Variants in SUN3 observed in about 807,000 individuals in gnomAD.
SUN3 encodes the protein SUN domain-containing protein 3.
Under a neutral mutation model 48.2 loss-of-function variants are expected in SUN3, and 36 were observed. That is an observed-to-expected ratio of 0.75 (90% CI 0.57 to 0.99). SUN3 has a LOEUF of 0.99. Among genes scored for constraint, SUN3 ranks in the 50% least tolerant of loss-of-function variants. The pLI, the probability that SUN3 is intolerant of heterozygous loss-of-function variation, is 0.00. For missense variants in SUN3, 419 were observed against 433.1 expected (o/e 0.97, Z 0.29); for synonymous variants, 148 against 147.9 (o/e 1.00, Z 0.00).
chr7:48,023,814 A>G (rs1790064793), intron 2 of SUN3, among the ~76,000 whole-genome samples: 1 of 152,232 alleles, frequency 6.6e-6, no homozygotes, highest in Admixed American at 6.5e-5. Context: ...AGATGGCAAC[A>G]CTACCTAAAG....
At chr7:48,033,075 A>C (rs932085231), upstream of SUN3, among the ~76,000 whole-genome samples, 2 of 152,246 alleles carry the variant, frequency 1.3e-5, no homozygotes, top group Non-Finnish European at 2.9e-5. Context: ...AGAATGTTGG[A>C]TCTTTCTAAA....
intron 6 of SUN3, among the ~76,000 whole-genome samples, chr7:48,000,868 GT>G (rs143433372): frequency 3.3e-4 from 47 of 143,792 alleles, no homozygotes; most frequent in Middle Eastern, 7.4e-3. Flanking sequence ...TAAATTTATG[GT>G]TTTTTTTTTT....
At chr7:48,002,681 T>C (rs1429097119) in intron 6 of SUN3, among the ~76,000 whole-genome samples, 1 of 152,250 alleles carries the variant, frequency 6.6e-6, no homozygotes, top group Non-Finnish European at 1.5e-5. Flanking sequence ...CTGTAGGTTG[T>C]CTGTTTACTC....
intron 6 of SUN3, among the ~76,000 whole-genome samples, chr7:47,999,433 C>G (rs1032243260): frequency 2.6e-5 from 4 of 152,020 alleles, no homozygotes. Context: ...AATTTGCATG[C>G]CTTTTCCCCT....
intron 8 of SUN3, among the ~76,000 whole-genome samples, chr7:47,991,596 AAAAAC>A (rs139889751): frequency 0.42 from 64,117 of 151,096 alleles, 13,768 homozygotes; most frequent in Middle Eastern, 0.53. Flanking sequence ...AGTAAAACCA[AAAAAC>A]AAAACAAAAC....
At chr7:47,995,572 T>C (rs1392133075) in intron 7 of SUN3, among the ~76,000 whole-genome samples, 1 of 152,044 alleles carries the variant, frequency 6.6e-6, no homozygotes, top group African/African-American at 2.4e-5. Flanking sequence ...AACTGAAAAG[T>C]TTGGTGGGGA....
At chr7:48,009,282 T>A (rs1789617165) in intron 3 of SUN3, among the ~76,000 whole-genome samples, 4 of 152,152 alleles carry the variant, frequency 2.6e-5, no homozygotes, top group Admixed American at 2.6e-4. Context: ...GATGAGGTAA[T>A]GCAAATCTAT....
upstream of SUN3, among the ~76,000 whole-genome samples, chr7:48,033,807 G>C (rs181458610): frequency 8.1e-4 from 124 of 152,242 alleles, no homozygotes; most frequent in East Asian, 0.023. Flanking sequence ...TGTAATCCCA[G>C]CACTTTGTGA....
intron 3 of SUN3, among the ~76,000 whole-genome samples, chr7:48,010,629 T>C (rs576486706): frequency 6.6e-6 from 1 of 152,248 alleles, no homozygotes; most frequent in South Asian, 2.1e-4. Flanking sequence ...TCTCCAGAAA[T>C]TTGTCTCATC....
intron 8 of SUN3, among the ~76,000 whole-genome samples, chr7:47,990,832 C>A (rs897677464): frequency 2.0e-5 from 3 of 151,612 alleles, no homozygotes; most frequent in Non-Finnish European, 4.4e-5. Context: ...CCGTTATCCA[C>A]AGCAAACTAA....
chr7:48,028,532 G>A (rs926125444), intron 1 of SUN3, among the ~76,000 whole-genome samples: 3 of 128,274 alleles, frequency 2.3e-5, no homozygotes, highest in African/African-American at 9.0e-5. Flanking sequence ...AAGCTTTTAA[G>A]TTCCTGCTGC....
intron 6 of SUN3, among the ~76,000 whole-genome samples, chr7:47,997,397 C>G (rs1789242471): frequency 6.6e-6 from 1 of 151,880 alleles, no homozygotes; most frequent in Admixed American, 6.6e-5. Flanking sequence ...GCTCACTATT[C>G]CTACTCGACC....
intron 6 of SUN3, among the ~76,000 whole-genome samples, chr7:48,001,164 G>T (rs1789355536): frequency 1.3e-5 from 2 of 152,080 alleles, no homozygotes; most frequent in South Asian, 4.1e-4. Context: ...GGGATTTGTT[G>T]TACAGATTAT....
chr7:47,998,272 G>A (rs1451361135), intron 6 of SUN3, among the ~76,000 whole-genome samples: 1 of 152,192 alleles, frequency 6.6e-6, no homozygotes, highest in East Asian at 1.9e-4. Flanking sequence ...TCTAATCGGT[G>A]TGTAATGATA....
intron 2 of SUN3, among the ~76,000 whole-genome samples, chr7:48,025,586 T>C (rs1402396245): frequency 6.6e-6 from 1 of 152,178 alleles, no homozygotes; most frequent in African/African-American, 2.4e-5. Flanking sequence ...TTGCAATAAA[T>C]ATATTAGAAA....
chr7:47,992,749 G>A (rs1463553823), intron 8 of SUN3, among the ~76,000 whole-genome samples: 1 of 151,822 alleles, frequency 6.6e-6, no homozygotes, highest in East Asian at 1.9e-4. Flanking sequence ...AAGAAAGGAA[G>A]AAATTTATAA....
In SUN3 at chr7:47,994,484, T is replaced by G; in HGVS notation, c.694-2A>C. The G allele has an allele frequency of 6.3e-7, 1 of 1,589,302 alleles. No homozygotes were observed. Among genetic ancestry groups the G allele is most frequent in the Non-Finnish European group, 8.5e-7 (1 of 1,172,430 alleles). On this transcript the variant is annotated splice_acceptor_variant, in intron 7 of 9. Transcript: ENST00000297325. LOFTEE classifies it high-confidence loss of function. ...GCACTTTCCAGGGTAGACATCCGGC[T>G]GGAAAGAAAACACTGAATTAATCTC...
rs1159009713 is a variant in SUN3, at chr7:48,025,929, T to C, written c.132A>G (p.Arg44=). 1.3e-6 allele frequency: 2 copies of C among 1,597,752 alleles called. No individual in the cohort carries two copies. Among genetic ancestry groups the C allele is most frequent in the African/African-American group, 2.7e-5 (2 of 74,634 alleles). The change falls in exon 2 of 10, where the codon CGA becomes CGG. Residue 44 remains arginine, a synonymous_variant. Coordinates refer to ENST00000297325, the MANE Select transcript of SUN3 (RefSeq NM_001030019.2). ...DENPDANGVT[R]SWKIILSTML... ...TTGTACTTAGAATAATCTTCCATGA[T>C]CGAGTTACCCTAAAAGAATAAAAAC... is the stretch of plus-strand genomic sequence containing the variant.
chr7:47,989,022 C>A, intron 8 of SUN3, 142 bp from the exon 9 acceptor site: 1 of 494,850 alleles, frequency 2.0e-6, no homozygotes, highest in Non-Finnish European at 3.6e-6. Context: ...CCTATACACC[C>A]AGAGGATATT....
Sources: allele counts gnomAD v4.1 joint callset (sites outside exome capture counted in the v4.1 genomes callset), GRCh38; gene constraint gnomAD v4.1.1; transcripts MANE v1.5; gene names NCBI Gene and HGNC (gene_info 2026-07-23, HGNC 2026-07-21).